Variants in SMYD3 observed in about 807,000 individuals in gnomAD.
SMYD3 encodes SET and MYND domain containing 3.
A neutral mutation model predicts 57.7 loss-of-function variants in SMYD3; 36 were observed. That is an observed-to-expected ratio of 0.62 (90% CI 0.48 to 0.82). SMYD3 has a LOEUF of 0.82. SMYD3 is among the 40% of genes least tolerant of loss of function. The probability of loss-of-function intolerance (pLI) is 0.00; values close to 1 mark genes in which losing one functional copy is unlikely to be tolerated. For synonymous variants in SMYD3, 211 were observed against 195.0 expected (o/e 1.08, Z -0.68); for missense variants, 515 against 538.8 (o/e 0.96, Z 0.44).
chr1:246,362,953 T>C (rs1212443866), intron 1 of SMYD3, among the ~76,000 whole-genome samples: 3 of 143,886 alleles, frequency 2.1e-5, no homozygotes, highest in Non-Finnish European at 3.0e-5. Context: ...CCCCTCTGCC[T>C]GGCTGCCCAG....
At chr1:245,933,440 T>C (rs1176052300) in intron 5 of SMYD3, among the ~76,000 whole-genome samples, 1 of 152,228 alleles carries the variant, frequency 6.6e-6, no homozygotes, top group East Asian at 1.9e-4. Context: ...TTATATTTAC[T>C]TTCTGTAATT....
chr1:245,760,173 C>A (rs1040309333), intron 11 of SMYD3, among the ~76,000 whole-genome samples: 3 of 152,204 alleles, frequency 2.0e-5, no homozygotes, highest in Non-Finnish European at 2.9e-5. Flanking sequence ...TGGAGCCTAA[C>A]TGAATCTGTA....
intron 5 of SMYD3, among the ~76,000 whole-genome samples, chr1:245,958,152 G>A (rs562651038): frequency 2.7e-4 from 41 of 152,208 alleles, no homozygotes; most frequent in Non-Finnish European, 4.6e-4. Context: ...TTTCACAAAC[G>A]AGGCTTCTAA....
rs973340009 is a variant in SMYD3 at position 245,929,718 on chromosome 1, C to T, written c.599+152G>A. ...ATAAAACTGTTTTCTTTCAACTTAA[C>T]ATTTTCCATTTTTTTGTAATTTATT... On this transcript the variant is annotated intron_variant, in intron 6 of 11. Coordinates refer to ENST00000490107, the MANE Select transcript of SMYD3 (RefSeq NM_001167740.2). 31 of 621,706 alleles carry T rather than the reference C, an allele frequency of 5.0e-5. No individual in the cohort carries two copies. The African/African-American group carries it at 5.2e-4, about 10-fold the overall frequency. The allele number at this position is 621,706 out of a possible 1,614,324, so 38.5% of individuals were successfully genotyped here.
rs2055224530 is a variant in SMYD3, at chr1:245,914,137, AT to A, written c.813+1392del. On this transcript the variant is annotated intron_variant, in intron 8 of 11. Transcript: ENST00000490107. ...AGGCCTCTACAATGAGGCCACTGCCATTACTTTTAATGGCAAAAACTGCAAT... is the reference window on the plus strand; with the variant it reads ...AGGCCTCTACAATGAGGCCACTGCCATACTTTTAATGGCAAAAACTGCAAT... 3.9e-5 allele frequency among the ~76,000 whole-genome samples: 6 copies of A among 152,326 alleles called. No homozygotes were observed. The South Asian group carries it at 1.2e-3, about 32-fold the overall frequency.
intron 5 of SMYD3, among the ~76,000 whole-genome samples, chr1:246,180,056 C>T (rs1223792612): frequency 6.6e-6 from 1 of 151,674 alleles, no homozygotes; most frequent in Non-Finnish European, 1.5e-5. Flanking sequence ...GCCAATAACC[C>T]CAGCACTTTG....
At chr1:246,376,697 G>A (rs908273618) in intron 1 of SMYD3, among the ~76,000 whole-genome samples, 1 of 151,474 alleles carries the variant, frequency 6.6e-6, no homozygotes, top group Non-Finnish European at 1.5e-5. Flanking sequence ...AAAACTTTCT[G>A]GTCTCAGTCC....
intron 5 of SMYD3, among the ~76,000 whole-genome samples, chr1:246,055,113 T>C (rs1429604070): frequency 4.0e-5 from 6 of 151,740 alleles, no homozygotes; most frequent in Non-Finnish European, 8.8e-5. Flanking sequence ...GTGGCAGAGC[T>C]TGCAGTGAGC....
intron 8 of SMYD3, among the ~76,000 whole-genome samples, chr1:245,867,064 T>G (rs561599119): frequency 6.6e-6 from 1 of 152,220 alleles, no homozygotes; most frequent in South Asian, 2.1e-4. Flanking sequence ...AAAGGGGAAT[T>G]AAGTTGTAGA....
chr1:246,348,953 A>G (rs12088426), intron 2 of SMYD3, among the ~76,000 whole-genome samples: 6,232 of 151,712 alleles, frequency 0.041, 427 homozygotes, highest in African/African-American at 0.14. Context: ...GTACTGAGAG[A>G]AAAAAAAATT....
chr1:246,178,532 C>T (rs2062472953), intron 5 of SMYD3, among the ~76,000 whole-genome samples: 1 of 149,396 alleles, frequency 6.7e-6, no homozygotes, highest in African/African-American at 2.4e-5. Flanking sequence ...CCACATCATA[C>T]CTGCTCGATC....
intron 5 of SMYD3, among the ~76,000 whole-genome samples, chr1:245,965,999 T>C (rs1284368398): frequency 1.3e-5 from 2 of 152,212 alleles, no homozygotes. Context: ...AAGGGTTATA[T>C]GGGAAACCTC....
At chr1:246,145,579 G>T (rs1338380678) in intron 5 of SMYD3, among the ~76,000 whole-genome samples, 1 of 152,178 alleles carries the variant, frequency 6.6e-6, no homozygotes, top group African/African-American at 2.4e-5. Flanking sequence ...CAATGAACCT[G>T]AGATCTTAAG....
intron 8 of SMYD3, among the ~76,000 whole-genome samples, chr1:245,879,712 T>C (rs973594914): frequency 6.6e-6 from 1 of 152,172 alleles, no homozygotes; most frequent in Non-Finnish European, 1.5e-5. Context: ...AATATGGTCA[T>C]GAAACTATTC....
At chr1:246,442,133 C>T (rs754193603) in intron 1 of SMYD3, among the ~76,000 whole-genome samples, 3 of 152,096 alleles carry the variant, frequency 2.0e-5, no homozygotes, top group African/African-American at 7.2e-5. Flanking sequence ...TGTGGGAGCA[C>T]CATGGAGGTG....
intron 5 of SMYD3, among the ~76,000 whole-genome samples, chr1:246,231,438 C>T (rs2063407600): frequency 6.6e-6 from 1 of 152,104 alleles, no homozygotes. Context: ...TGTAATATAA[C>T]AAATTTTATG....
chr1:245,899,218 C>T (rs2054026369), intron 8 of SMYD3, among the ~76,000 whole-genome samples: 1 of 151,784 alleles, frequency 6.6e-6, no homozygotes, highest in Non-Finnish European at 1.5e-5. Context: ...AATTTATGAT[C>T]TTTTGGGAAT....
chr1:246,327,008 CAG>C (rs1395140926), intron 5 of SMYD3, 191 bp downstream of exon 5: 4 of 609,746 alleles, frequency 6.6e-6, no homozygotes, highest in African/African-American at 3.8e-5. Flanking sequence ...ATTAATCAAA[CAG>C]AAAAATTCAT....
chr1:245,954,549 A>T (rs1027572648), intron 5 of SMYD3, among the ~76,000 whole-genome samples: 1 of 152,178 alleles, frequency 6.6e-6, no homozygotes, highest in Non-Finnish European at 1.5e-5. Context: ...GCTGGCAGGC[A>T]CCAGCAGTCA....
Sources: allele counts gnomAD v4.1 joint callset (sites outside exome capture counted in the v4.1 genomes callset), GRCh38; gene constraint gnomAD v4.1.1; transcripts MANE v1.5; gene names NCBI Gene and HGNC (gene_info 2026-07-23, HGNC 2026-07-21).